The following NAALADL2 variants were observed in gnomAD, a reference collection of about 807,000 sequenced individuals.
NAALADL2 encodes the protein inactive N-acetylated-alpha-linked acidic dipeptidase-like protein 2.
A neutral mutation model predicts 87.2 loss-of-function variants in NAALADL2; 76 were observed. The ratio of observed to expected loss-of-function variants is 0.87; its 90% CI spans 0.72 to 1.05. The LOEUF is 1.05. Ranked by LOEUF, NAALADL2 falls within the 50% of genes least tolerant of loss-of-function variation. The pLI, the probability that NAALADL2 is intolerant of heterozygous loss-of-function variation, is 0.00. For missense variants in NAALADL2, 1,089 were observed against 945.8 expected, an observed-to-expected ratio of 1.15 and a Z score of -1.99; for synonymous variants, 354 against 331.0, an observed-to-expected ratio of 1.07 and a Z score of -0.75.
intron 9 of NAALADL2, among the ~76,000 whole-genome samples, chr3:175,555,465 C>T (rs1191293519): frequency 6.6e-6 from 1 of 152,148 alleles, no homozygotes; most frequent in Non-Finnish European, 1.5e-5. Context: ...CAAACCCGTA[C>T]ACTGTACCCT....
intron 1 of NAALADL2, among the ~76,000 whole-genome samples, chr3:175,034,943 C>CA (rs1385615568): frequency 6.6e-6 from 1 of 152,078 alleles, no homozygotes; most frequent in African/African-American, 2.4e-5. Context: ...AATATAACCT[C>CA]ATTGAGTGTT....
At chr3:175,082,062 G>GTGTGTA (rs958828553) in intron 1 of NAALADL2, among the ~76,000 whole-genome samples, 9 of 151,956 alleles carry the variant, frequency 5.9e-5, no homozygotes, top group Non-Finnish European at 1.3e-4. Context: ...GTGTGTGTGT[G>GTGTGTA]TATGTGTGTT....
At chr3:175,654,996 C>T (rs1413555701) in intron 11 of NAALADL2, among the ~76,000 whole-genome samples, 3 of 147,960 alleles carry the variant, frequency 2.0e-5, no homozygotes, top group African/African-American at 5.0e-5. Context: ...ATGAATTGTT[C>T]GTGTGACTAC....
chr3:174,773,311 A>AT (rs1361991393), intron 3 of NAALADL2, among the ~76,000 whole-genome samples: 1 of 152,176 alleles, frequency 6.6e-6, no homozygotes, highest in Non-Finnish European at 1.5e-5. Flanking sequence ...TTGTTAGTTA[A>AT]TTGAGAGGTG....
chr3:174,926,312 T>G (rs1034320166), intron 1 of NAALADL2, among the ~76,000 whole-genome samples: 1 of 151,992 alleles, frequency 6.6e-6, no homozygotes, highest in Non-Finnish European at 1.5e-5. Flanking sequence ...ACTTCCCCAA[T>G]CTAGCAAGGC....
chr3:174,630,089 T>C (rs1404823775), intron 2 of NAALADL2, among the ~76,000 whole-genome samples: 1 of 152,210 alleles, frequency 6.6e-6, no homozygotes, highest in African/African-American at 2.4e-5. Context: ...ATGCATTATG[T>C]CTATAATGCT....
intron 11 of NAALADL2, among the ~76,000 whole-genome samples, chr3:175,735,151 C>G (rs928099786): frequency 6.6e-6 from 1 of 152,186 alleles, no homozygotes; most frequent in Non-Finnish European, 1.5e-5. Context: ...CTAGGATGGG[C>G]AAAATGCCAC....
chr3:174,923,003 G>A (rs1365043331), intron 1 of NAALADL2, among the ~76,000 whole-genome samples: 3 of 152,074 alleles, frequency 2.0e-5, no homozygotes, highest in African/African-American at 7.2e-5. Flanking sequence ...GATACTTTGA[G>A]ATTATGCAAA....
intron 5 of NAALADL2, among the ~76,000 whole-genome samples, chr3:175,387,367 T>C (rs1768523642): frequency 6.6e-6 from 1 of 152,148 alleles, no homozygotes; most frequent in African/African-American, 2.4e-5. Flanking sequence ...AATACTTCTA[T>C]AAAGAGAAAA....
chr3:174,763,829 C>A (rs370540745), intron 3 of NAALADL2, among the ~76,000 whole-genome samples: 66 of 138,030 alleles, frequency 4.8e-4, no homozygotes, highest in East Asian at 6.2e-4. Flanking sequence ...CAAAACAAAA[C>A]AAAAAAAAAA....
In NAALADL2 at chr3:175,061,225, G is replaced by A. The variant is rs540729591; in HGVS notation, c.44-35565G>A. Among the ~76,000 whole-genome samples, 25 of 152,208 alleles carry A rather than the reference G, an allele frequency of 1.6e-4. No homozygotes were observed. The South Asian group carries it at 4.4e-3, about 26-fold the overall frequency. On this transcript the variant is annotated intron_variant, in intron 1 of 13. Transcript: ENST00000454872. ...CCAGACAATATTACCAATGAGAAAA[G>A]CCTAAATAAATTGGAATTAGTTCAT...
At chr3:175,072,766 C>A (rs1365561819) in intron 1 of NAALADL2, among the ~76,000 whole-genome samples, 4 of 149,592 alleles carry the variant, frequency 2.7e-5, no homozygotes, top group African/African-American at 9.9e-5. Flanking sequence ...TGCAGCACAC[C>A]AACATGGCAC....
intron 2 of NAALADL2, among the ~76,000 whole-genome samples, chr3:174,569,348 A>G (rs929651168): frequency 5.3e-5 from 8 of 152,004 alleles, no homozygotes; most frequent in Non-Finnish European, 1.2e-4. Context: ...GCATTATATT[A>G]AATAAAGTAC....
intron 3 of NAALADL2, among the ~76,000 whole-genome samples, chr3:174,769,058 A>T (rs753688496): frequency 7.2e-5 from 11 of 151,970 alleles, no homozygotes; most frequent in Non-Finnish European, 1.6e-4. Context: ...GAAGCAGTTA[A>T]ATATATAAAA....
intron 1 of NAALADL2, among the ~76,000 whole-genome samples, chr3:175,006,341 C>T (rs1749015430): frequency 6.6e-6 from 1 of 152,092 alleles, no homozygotes; most frequent in South Asian, 2.1e-4. Context: ...TTTCTATATA[C>T]TATACTTTCC....
At chr3:174,799,276 G>A (rs963550578) in intron 3 of NAALADL2, among the ~76,000 whole-genome samples, 5 of 152,156 alleles carry the variant, frequency 3.3e-5, no homozygotes, top group Non-Finnish European at 7.3e-5. Flanking sequence ...TTGAATAGAA[G>A]TGAAGAGTGG....
chr3:174,697,119 T>C (rs12636996), intron 2 of NAALADL2, among the ~76,000 whole-genome samples: 6,191 of 152,042 alleles, frequency 0.041, 186 homozygotes, highest in East Asian at 0.11. Flanking sequence ...GACTTTGCAG[T>C]AAAAAAATAC....
At chr3:174,605,891 C>T (rs1454377380) in intron 2 of NAALADL2, among the ~76,000 whole-genome samples, 2 of 152,134 alleles carry the variant, frequency 1.3e-5, no homozygotes, top group Non-Finnish European at 2.9e-5. Flanking sequence ...ACCCCTGATC[C>T]CCGAGCAGCC....
At chr3:175,517,433 T>G (rs1732004445) in intron 9 of NAALADL2, among the ~76,000 whole-genome samples, 1 of 152,220 alleles carries the variant, frequency 6.6e-6, no homozygotes, top group Admixed American at 6.5e-5. Context: ...TTCTTACATA[T>G]TTCTGATATA....
Sources: gnomAD v4.1 joint callset for allele counts (sites outside exome capture counted in the v4.1 genomes callset) on GRCh38, gnomAD v4.1.1 for gene constraint, MANE v1.5 for transcripts, NCBI Gene and HGNC (gene_info 2026-07-23, HGNC 2026-07-21) for gene names.